Variants in RSPRY1 observed in about 807,000 individuals in gnomAD.
The protein encoded by RSPRY1 is ring finger and SPRY domain containing 1.
RSPRY1 carries 23 observed loss-of-function variants against 73.1 expected under a neutral mutation model. That is an observed-to-expected ratio of 0.31 (90% CI 0.23 to 0.45). RSPRY1 has a LOEUF of 0.45. RSPRY1 is among the 20% of genes least tolerant of loss of function. The pLI, the probability that RSPRY1 is intolerant of heterozygous loss-of-function variation, is 1.00. For synonymous variants in RSPRY1, 226 were observed against 251.4 expected (o/e 0.90, Z 0.95); for missense variants, 448 against 698.7 (o/e 0.64, Z 4.05).
chr16:57,187,445 T>C (rs2074249782), intron 1 of RSPRY1, among the ~76,000 whole-genome samples: 1 of 152,202 alleles, frequency 6.6e-6, no homozygotes, highest in African/African-American at 2.4e-5. Context: ...GAAGTGTCTG[T>C]TATCGACTGA....
intron 11 of RSPRY1, among the ~76,000 whole-genome samples, chr16:57,228,820 G>A (rs1188985131): frequency 6.6e-6 from 1 of 152,114 alleles, no homozygotes; most frequent in Non-Finnish European, 1.5e-5. Flanking sequence ...AGCCTCTCCA[G>A]TAGCTGGGAC....
chr16:57,207,385 T>C (rs1195353149), intron 2 of RSPRY1, among the ~76,000 whole-genome samples: 1 of 152,140 alleles, frequency 6.6e-6, no homozygotes, highest in Non-Finnish European at 1.5e-5. Flanking sequence ...TGGTGAGTTC[T>C]TAAGCAGTTA....
chr16:57,194,682 C>G (rs2074408680), intron 1 of RSPRY1, among the ~76,000 whole-genome samples: 1 of 152,138 alleles, frequency 6.6e-6, no homozygotes, highest in Non-Finnish European at 1.5e-5. Context: ...TTTATGGTCA[C>G]TCTTGTAATC....
At chr16:57,226,159 G>A (rs2075117799) in intron 10 of RSPRY1, among the ~76,000 whole-genome samples, 1 of 152,180 alleles carries the variant, frequency 6.6e-6, no homozygotes, top group Admixed American at 6.5e-5. Context: ...TTAGCTGAGT[G>A]TCCACTATAA....
At position 57,216,927 on chromosome 16, in the gene RSPRY1, G is replaced by A. The variant is rs1179504807; in HGVS notation, c.793G>A (p.Glu265Lys). Residue 265 changes from glutamate to lysine, a missense_variant, in exon 8 of 15, where the codon GAA becomes AAA. Coordinates refer to ENST00000394420, the MANE Select transcript of RSPRY1 (RefSeq NM_133368.3). Reference protein sequence around the residue: ...QTSENKLTISESSISDRLVTL... With the variant: ...QTSENKLTISKSSISDRLVTL... ...AGGTGAAAATAAATTGACTATTTCT[G>A]AATCCAGTATTAGTGACCGGCTTGT... 1 of 1,613,158 alleles carries A rather than the reference G, an allele frequency of 6.2e-7. No homozygotes were observed. Among genetic ancestry groups the A allele is most frequent in the African/African-American group, 1.3e-5 (1 of 74,886 alleles).
intron 6 of RSPRY1, among the ~76,000 whole-genome samples, chr16:57,214,273 A>C (rs923449750): frequency 1.3e-5 from 2 of 152,200 alleles, no homozygotes; most frequent in Non-Finnish European, 2.9e-5. Context: ...AGAAACAATT[A>C]CATGGCGTTC....
chr16:57,198,067 TG>T (rs772135010), intron 1 of RSPRY1, among the ~76,000 whole-genome samples: 16 of 152,048 alleles, frequency 1.1e-4, no homozygotes, highest in Non-Finnish European at 2.1e-4. Flanking sequence ...CTGCGTGTAT[TG>T]GATATCATCC....
Position 57,204,177 on chromosome 16 carries a change from G to GA in RSPRY1, c.-155-319dup, listed in dbSNP as rs200192613. Among the ~76,000 whole-genome samples, 828 of 151,270 alleles carry GA rather than the reference G, an allele frequency of 5.5e-3. 5 individuals carry two copies. The highest frequency in any genetic ancestry group is 0.018 in the African/African-American group (759 of 41,262). The stretch of plus-strand genomic sequence containing the variant: ...TTTTTTTATGATAAAAGGAGCCCTT[G>GA]AAAAAAAATGCACACATCCTTCTAA... On this transcript the variant is annotated intron_variant, in intron 1 of 14. Transcript: ENST00000394420.
intron 1 of RSPRY1, among the ~76,000 whole-genome samples, chr16:57,202,939 T>C (rs2074653128): frequency 1.3e-5 from 2 of 148,446 alleles, no homozygotes; most frequent in South Asian, 4.4e-4. Context: ...TTTTCTCTTT[T>C]TCTTCTATGT....
chr16:57,206,288 C>T (rs2074723660), intron 2 of RSPRY1, among the ~76,000 whole-genome samples: 1 of 152,114 alleles, frequency 6.6e-6, no homozygotes, highest in South Asian at 2.1e-4. Flanking sequence ...TGCCTGTGAT[C>T]CCAGCTACTC....
chr16:57,218,691 T>TAAA (rs2074980749), intron 8 of RSPRY1, among the ~76,000 whole-genome samples: 2 of 145,672 alleles, frequency 1.4e-5, no homozygotes, highest in East Asian at 4.0e-4. Context: ...GGCTGAACAG[T>TAAA]ACTCCATTTT....
intron 1 of RSPRY1, among the ~76,000 whole-genome samples, chr16:57,192,327 C>T (rs1179017839): frequency 6.6e-6 from 1 of 152,080 alleles, no homozygotes; most frequent in Non-Finnish European, 1.5e-5. Flanking sequence ...TATTATTTGG[C>T]CTCCTGGGGG....
At chr16:57,219,229 C>T (rs1238970102) in intron 8 of RSPRY1, among the ~76,000 whole-genome samples, 1 of 152,170 alleles carries the variant, frequency 6.6e-6, no homozygotes, top group African/African-American at 2.4e-5. Context: ...TTTTGAGGAA[C>T]CTCCATACTG....
chr16:57,226,519 G>A (rs1254701379), intron 10 of RSPRY1, among the ~76,000 whole-genome samples: 1 of 152,130 alleles, frequency 6.6e-6, no homozygotes, highest in Non-Finnish European at 1.5e-5. Context: ...TGGAACCAAG[G>A]GTTCCTCTCC....
At chr16:57,237,151 C>T (rs1452220208) in intron 14 of RSPRY1, among the ~76,000 whole-genome samples, 1 of 152,094 alleles carries the variant, frequency 6.6e-6, no homozygotes, top group Non-Finnish European at 1.5e-5. Flanking sequence ...CAGGCAAAGG[C>T]AGGTTTTTTT....
At chr16:57,216,069 ATT>A (rs11391063) in intron 6 of RSPRY1, 36 bp from the exon 7 acceptor site, 6,179 of 1,186,552 alleles carry the variant, frequency 5.2e-3, no homozygotes, top group Admixed American at 8.0e-3. Flanking sequence ...CAGGGGAATG[ATT>A]TTTTTTTTTT....
In RSPRY1 at chr16:57,204,380, T is replaced by C. The variant is rs2074684234; in HGVS notation, c.-155-124T>C. ...GCTATCTCTTTGTATTGGAAACCTA[T>C]AAAAATAACCAAAGATAATTCTTCA... On this transcript the variant is annotated intron_variant, in intron 1 of 14. Transcript: ENST00000394420. 3 of 346,114 alleles carry C rather than the reference T, an allele frequency of 8.7e-6. No homozygotes were observed. In the Admixed American group the frequency reaches 1.3e-4, roughly 15 times the overall value. The allele number at this position is 346,114 out of a possible 1,614,324, so 21.4% of individuals were successfully genotyped here. A position where few individuals can be genotyped will look rare whatever the true frequency, so the allele number is the denominator to read the frequency against.
Position 57,239,018 on chromosome 16 carries a change from A to G in RSPRY1, c.*43A>G. Reference sequence around the variant, plus strand: ...CGTGGACTTTTTTCTACTCAATTCCAGCCAATGTTGAAAAGAAAAAGAAAA... The same window carrying G: ...CGTGGACTTTTTTCTACTCAATTCCGGCCAATGTTGAAAAGAAAAAGAAAA... On this transcript the variant is annotated 3_prime_UTR_variant, in exon 15 of 15. Coordinates refer to ENST00000394420, the MANE Select transcript of RSPRY1 (RefSeq NM_133368.3). 1 of 1,085,074 alleles carries G rather than the reference A, an allele frequency of 9.2e-7. No homozygotes were observed. Among genetic ancestry groups the G allele is most frequent in the South Asian group, 1.4e-5 (1 of 71,218 alleles). 67.2% of individuals were successfully genotyped at this position (1,085,074 alleles called of 1,614,324 possible).
At chr16:57,199,428 G>T (rs1307501658) in intron 1 of RSPRY1, among the ~76,000 whole-genome samples, 1 of 152,138 alleles carries the variant, frequency 6.6e-6, no homozygotes, top group Non-Finnish European at 1.5e-5. Context: ...GGAGGCAGAG[G>T]TTGCAGTGAG....
Sources: allele counts gnomAD v4.1 joint callset (sites outside exome capture counted in the v4.1 genomes callset), GRCh38; gene constraint gnomAD v4.1.1; transcripts MANE v1.5; gene names NCBI Gene and HGNC (gene_info 2026-07-23, HGNC 2026-07-21).